The following GALNT13 variants were observed in gnomAD, a reference collection of about 807,000 sequenced individuals.
GALNT13 encodes UDP-GalNAc:polypeptide N-acetylgalactosaminyltransferase 13.
GALNT13 carries 28 observed loss-of-function variants against 64.2 expected under a neutral mutation model. The observed-to-expected ratio is 0.44, with a 90% CI of 0.32 to 0.60. The LOEUF is 0.60. Ranked by LOEUF, GALNT13 falls within the 20% of genes least tolerant of loss-of-function variation. The pLI, the probability that GALNT13 is intolerant of heterozygous loss-of-function variation, is 0.05. For missense variants in GALNT13, 577 were observed against 669.8 expected (o/e 0.86, Z 1.53); for synonymous variants, 214 against 224.6 (o/e 0.95, Z 0.42).
the GALNT13 span, among the ~76,000 whole-genome samples, chr2:153,728,805 T>C: frequency 1.3e-5 from 2 of 152,108 alleles, no homozygotes; most frequent in Non-Finnish European, 1.5e-5. Flanking sequence ...ATAAAGGGGA[T>C]ATCACCACTG....
chr2:154,192,887 T>A (rs2105760229), intron 4 of GALNT13, among the ~76,000 whole-genome samples: 1 of 152,358 alleles, frequency 6.6e-6, no homozygotes, highest in East Asian at 1.9e-4. Context: ...GCACATGACT[T>A]AAAAATCTGC....
At chr2:153,307,311 T>C in the GALNT13 span, among the ~76,000 whole-genome samples, 1 of 152,178 alleles carries the variant, frequency 6.6e-6, no homozygotes, top group African/African-American at 2.4e-5. Flanking sequence ...GATTCATTTG[T>C]GGGAAATTAT....
chr2:154,438,770 C>A, intron 12 of GALNT13, 44 bp downstream of exon 12: 3 of 1,447,168 alleles, frequency 2.1e-6, no homozygotes, highest in Non-Finnish European at 2.9e-6. Context: ...TGCTTAAGCT[C>A]AGTTATATAT....
At chr2:154,280,395 A>G (rs554193636) in intron 8 of GALNT13, among the ~76,000 whole-genome samples, 1 of 152,294 alleles carries the variant, frequency 6.6e-6, no homozygotes, top group African/African-American at 2.4e-5. Flanking sequence ...TATTTGCTGA[A>G]TATATGCCAG....
the GALNT13 span, chr2:153,420,966 C>T: frequency 5.7e-6 from 1 of 175,530 alleles, no homozygotes; most frequent in Non-Finnish European, 1.3e-5. Flanking sequence ...AACTTTGAGG[C>T]TAGTGAAACA....
chr2:153,870,662 G>T (rs948942322), upstream of GALNT13, among the ~76,000 whole-genome samples: 69 of 151,478 alleles, frequency 4.6e-4, no homozygotes, highest in African/African-American at 1.6e-3. Context: ...AATGATACTT[G>T]ACTCACGAAA....
At chr2:153,393,947 TACACACACACACACAC>T in the GALNT13 span, among the ~76,000 whole-genome samples, 10 of 128,176 alleles carry the variant, frequency 7.8e-5, no homozygotes, top group Non-Finnish European at 1.3e-4. Flanking sequence ...TCTCTCTGTC[TACACACACACACACAC>T]ACACACACAC....
chr2:153,873,434 CAGG>C (rs1305153662), intron 1 of GALNT13, among the ~76,000 whole-genome samples: 1 of 152,212 alleles, frequency 6.6e-6, no homozygotes, highest in African/African-American at 2.4e-5. Flanking sequence ...GTTGAATTTC[CAGG>C]AGGAGAGTCT....
At chr2:154,403,785 C>A (rs1329075561) in intron 10 of GALNT13, among the ~76,000 whole-genome samples, 1 of 152,130 alleles carries the variant, frequency 6.6e-6, no homozygotes, top group Non-Finnish European at 1.5e-5. Flanking sequence ...TCTGTTTAAG[C>A]AGAACTGAGT....
the GALNT13 span, among the ~76,000 whole-genome samples, chr2:153,555,803 T>C: frequency 4.7e-4 from 71 of 152,352 alleles, no homozygotes; most frequent in Middle Eastern, 3.4e-3. Context: ...TTAAAATTTG[T>C]AACTTAGCCT....
the GALNT13 span, among the ~76,000 whole-genome samples, chr2:153,345,771 TTCTTTCTC>T: frequency 1.3e-4 from 19 of 146,424 alleles, no homozygotes; most frequent in African/African-American, 4.6e-4. Flanking sequence ...CCTTCCTTCC[TTCTTTCTC>T]TCTTTCTCTC....
chr2:153,513,409 C>T, the GALNT13 span, among the ~76,000 whole-genome samples: 1 of 152,210 alleles, frequency 6.6e-6, no homozygotes, highest in Non-Finnish European at 1.5e-5. Context: ...TTATCAGACT[C>T]AAACTTGTGC....
chr2:153,958,852 G>T (rs1023726157), intron 3 of GALNT13, among the ~76,000 whole-genome samples: 4 of 152,208 alleles, frequency 2.6e-5, no homozygotes, highest in Admixed American at 2.6e-4. Flanking sequence ...TGCCCAAGGG[G>T]AGACCTCAGA....
At chr2:153,523,873 T>C in the GALNT13 span, among the ~76,000 whole-genome samples, 1 of 152,216 alleles carries the variant, frequency 6.6e-6, no homozygotes, top group Non-Finnish European at 1.5e-5. Context: ...ACCTTGTTCC[T>C]AATCTTAGTG....
At chr2:154,329,019 T>A (rs1695025338) in intron 9 of GALNT13, among the ~76,000 whole-genome samples, 1 of 152,174 alleles carries the variant, frequency 6.6e-6, no homozygotes, top group South Asian at 2.1e-4. Context: ...TTATTGACCT[T>A]AAGGTATTCT....
the GALNT13 span, among the ~76,000 whole-genome samples, chr2:153,211,090 G>T: frequency 6.6e-6 from 1 of 151,932 alleles, no homozygotes; most frequent in Non-Finnish European, 1.5e-5. Flanking sequence ...TTAGAGATAA[G>T]AAATACATTT....
At chr2:154,401,445 G>T (rs902240023) in intron 10 of GALNT13, among the ~76,000 whole-genome samples, 2 of 152,002 alleles carry the variant, frequency 1.3e-5, no homozygotes, top group Non-Finnish European at 1.5e-5. Context: ...AAAATTCTTG[G>T]GGACTCAGTA....
At chr2:153,073,161 A>G in the GALNT13 span, among the ~76,000 whole-genome samples, 3 of 152,304 alleles carry the variant, frequency 2.0e-5, no homozygotes, top group East Asian at 5.8e-4. Flanking sequence ...CTGTTATTTA[A>G]TAAGGTCATG....
chr2:153,571,379 T>C, the GALNT13 span, among the ~76,000 whole-genome samples: 1 of 152,042 alleles, frequency 6.6e-6, no homozygotes, highest in South Asian at 2.1e-4. Flanking sequence ...TTTTTCCAAA[T>C]ATAAGATCAT....
Sources: allele counts gnomAD v4.1 joint callset (sites outside exome capture counted in the v4.1 genomes callset), GRCh38; gene constraint gnomAD v4.1.1; transcripts MANE v1.5; gene names NCBI Gene and HGNC (gene_info 2026-07-23, HGNC 2026-07-21).